Variants in MUC4 observed in about 807,000 individuals in gnomAD.
MUC4 encodes the protein mucin-4.
In MUC4, 202 loss-of-function variants were observed where a neutral mutation model predicts 257.9. The observed-to-expected ratio is 0.78, with a 90% CI of 0.70 to 0.88. MUC4 has a LOEUF of 0.88. Ranked by LOEUF, MUC4 falls within the 40% of genes least tolerant of loss-of-function variation. The pLI, the probability that MUC4 is intolerant of heterozygous loss-of-function variation, is 0.00. For synonymous variants in MUC4, 2,351 were observed against 2,757.1 expected (o/e 0.85, Z 4.62); for missense variants, 5,976 against 6,513.7 (o/e 0.92, Z 2.84).
In MUC4 at chr3:195,782,809, C is replaced by G. The variant is rs763671915; in HGVS notation, c.8771G>C (p.Gly2924Ala). The G allele has an allele frequency of 1.3e-6, 2 of 1,519,726 alleles. No homozygotes were observed. The highest frequency in any genetic ancestry group is 1.8e-6 in the Non-Finnish European group (2 of 1,129,524). The allele number at this position is 1,519,726 out of a possible 1,614,324, so 94.1% of individuals were successfully genotyped here. The change falls in exon 2 of 25, where the codon GGT (glycine) becomes GCT (alanine). Residue 2924 changes from glycine (G) to alanine (A), a missense_variant. By Grantham distance (60) the Gly-to-Ala change is moderately conservative (BLOSUM62 0). Around this residue, in one of 44 missense-constraint regions of MUC4, gnomAD observed 228 missense variants for 206.3 expected, o/e 1.11. Transcript: ENST00000463781. ...GGTGACAGGAAGAGGGGTGGCCTGA[C>G]CTGTGGATGCTGAGGAAGTGTCGGT... ...PVTDTSSAST[G>A]QATPLPVTSL... is the part of the protein sequence containing the mutation.
At chr3:195,792,386 A>G (rs1482298614) in intron 1 of MUC4, among the ~76,000 whole-genome samples, 1 of 152,270 alleles carries the variant, frequency 6.6e-6, no homozygotes, top group Non-Finnish European at 1.5e-5. Flanking sequence ...AAAAAGGCTC[A>G]TCATCATGGA....
At position 195,789,410 on chromosome 3, in the gene MUC4, G is replaced by C. The variant is rs758227993; in HGVS notation, c.2170C>G (p.Leu724Val). 6.2e-7 allele frequency: 1 copy of C among 1,613,958 alleles called. No homozygotes were observed. Among genetic ancestry groups the C allele is most frequent in the East Asian group, 2.2e-5 (1 of 44,878 alleles). Residue 724 changes from leucine (L) to valine (V), a missense_variant, in exon 2 of 25, where the codon CTG becomes GTG. Around this residue, in one of 44 missense-constraint regions of MUC4, gnomAD observed 1,583 missense variants for 1,257.4 expected, o/e 1.26. Transcript: ENST00000463781. ...QAAPSSHDAT[L>V]GPSGGTSLSK... ...AGTGACGTGCCTCCTGAGGGCCCCA[G>C]GGTGGCATCATGGCTGCTGGGTGCT... is the stretch of plus-strand genomic sequence containing the variant.
Position 195,775,071 on chromosome 3 carries a change from G to T in MUC4, c.12944-766C>A, listed in dbSNP as rs530903673. Among the ~76,000 whole-genome samples the T allele has an allele frequency of 3.3e-5, 5 of 152,106 alleles. No individual in the cohort carries two copies. The East Asian group carries it at 9.7e-4, about 29-fold the overall frequency. On this transcript the variant is annotated intron_variant, in intron 3 of 24. Coordinates refer to ENST00000463781, the MANE Select transcript of MUC4 (RefSeq NM_018406.7). ...TAGAGGCCCTCGGGCTCCAGTTTGA[G>T]AAACCTTGTCCCAAATATTTCTCGC...
intron 1 of MUC4, 90 bp downstream of exon 1, chr3:195,811,646 C>T: frequency 1.8e-6 from 2 of 1,104,140 alleles, no homozygotes; most frequent in Non-Finnish European, 2.7e-6. Flanking sequence ...CTCTCTCTCT[C>T]TCTGTCTCCC....
intron 1 of MUC4, among the ~76,000 whole-genome samples, chr3:195,804,616 G>A (rs1278990172): frequency 6.6e-6 from 1 of 152,258 alleles, no homozygotes; most frequent in Non-Finnish European, 1.5e-5. Context: ...TCCTGGAGGG[G>A]AATTACTTCC....
At chr3:195,768,973 A>G (rs2148851395) in intron 7 of MUC4, 49 bp downstream of exon 7, 2 of 1,586,750 alleles carry the variant, frequency 1.3e-6, no homozygotes, top group South Asian at 1.1e-5. Flanking sequence ...AGCCGACTCT[A>G]CACCCCTCCC....
intron 1 of MUC4, among the ~76,000 whole-genome samples, chr3:195,805,135 A>G (rs1560421960): frequency 6.7e-6 from 1 of 149,792 alleles, no homozygotes; most frequent in Non-Finnish European, 1.5e-5. Flanking sequence ...ATCTCAGCTC[A>G]CTGTAACCTC....
intron 1 of MUC4, among the ~76,000 whole-genome samples, chr3:195,802,707 G>A (rs930607490): frequency 6.6e-5 from 10 of 152,212 alleles, no homozygotes; most frequent in African/African-American, 2.2e-4. Context: ...GGTTGTGACT[G>A]AGGAAAGATA....
intron 3 of MUC4, among the ~76,000 whole-genome samples, chr3:195,776,634 CCA>C (rs1724832355): frequency 2.3e-5 from 1 of 42,562 alleles, no homozygotes; most frequent in Admixed American, 1.5e-4. Context: ...CCCATACCTT[CCA>C]CAGTCATACC....
intron 17 of MUC4, among the ~76,000 whole-genome samples, chr3:195,758,175 G>A (rs915906368): frequency 6.6e-6 from 1 of 152,106 alleles, no homozygotes; most frequent in African/African-American, 2.4e-5. Context: ...TGATGCCCTT[G>A]GACCCTTTGA....
rs748620841 is a variant in MUC4, at chr3:195,786,315, T to C, written c.5265A>G (p.Thr1755=). The part of the protein sequence containing the change: ...LLVTDASSAS[T]GQATPLPVTD... ...TGACAGGAAGAGGGGTGGCCTGACCTGTGGATGCTGAGGAAGCGTCAGTGA... is the reference window on the plus strand; with the variant it reads ...TGACAGGAAGAGGGGTGGCCTGACCCGTGGATGCTGAGGAAGCGTCAGTGA... Residue 1755 remains threonine (T), a synonymous_variant, in exon 2 of 25, where the codon ACA becomes ACG. Coordinates refer to ENST00000463781, the MANE Select transcript of MUC4 (RefSeq NM_018406.7). The C allele has an allele frequency of 2.0e-6, 3 of 1,502,382 alleles. No homozygotes were observed. The highest frequency in any genetic ancestry group is 2.7e-6 in the Non-Finnish European group (3 of 1,122,762). 93.1% of individuals were successfully genotyped at this position (1,502,382 alleles called of 1,614,324 possible).
intron 1 of MUC4, among the ~76,000 whole-genome samples, chr3:195,802,983 C>T (rs893392318): frequency 1.3e-5 from 2 of 152,052 alleles, no homozygotes; most frequent in Non-Finnish European, 2.9e-5. Flanking sequence ...TCCCTCTTCT[C>T]ACCGTCTGTA....
intron 24 of MUC4, 33 bp downstream of exon 24, chr3:195,748,869 T>A (rs1255156906): frequency 1.3e-6 from 2 of 1,526,822 alleles, no homozygotes; most frequent in Non-Finnish European, 8.8e-7. Context: ...TCCCCAGCAC[T>A]GTCCTCCACC....
At position 195,763,560 on chromosome 3, in the gene MUC4, AC is replaced by A; in HGVS notation, c.14125del (p.Val4709SerfsTer63). On this transcript the variant is annotated frameshift_variant, in exon 12 of 25. Coordinates refer to ENST00000463781, the MANE Select transcript of MUC4 (RefSeq NM_018406.7). LOFTEE classifies it high-confidence loss of function. ...TFNGLGDFLLVGAQDGNSSFL... is the reference protein window; with the variant it reads ...TFNGLGDFLLXGAQDGNSSFL... ...GGAGGAGTTCCCGTCTTGGGCCCCG[AC>A]CAGCAGGAAGTCCCCCAGCCCATTG... The A allele has an allele frequency of 6.3e-7, 1 of 1,591,958 alleles. No individual in the cohort carries two copies. Among genetic ancestry groups the A allele is most frequent in the Admixed American group, 1.7e-5 (1 of 58,244 alleles).
intron 16 of MUC4, among the ~76,000 whole-genome samples, chr3:195,760,600 GAGTGAAGGGGGCTGGGAAGGCA>G (rs1718652182): frequency 8.5e-6 from 1 of 118,336 alleles, no homozygotes; most frequent in Non-Finnish European, 2.1e-5. Flanking sequence ...CGCTAGTATG[GAGTGAAGGGGGCTGGGAAGGCA>G]TCCAGCGCTA....
chr3:195,782,462 G>T lies in MUC4; in HGVS notation c.9118C>A (p.Pro3040Thr), dbSNP rs748621885. The stretch of plus-strand genomic sequence containing the variant: ...GAGGAAGTGTCGGTGACAGGAAGCG[G>T]GGTGGCGTGACCGGTGGATGCTGAG... The part of the protein sequence containing the change: ...PSSASTGHAT[P>T]LPVTDTSSAS... The change falls in exon 2 of 25, where the codon CCG becomes ACG. Residue 3040 changes from proline to threonine, a missense_variant. Physicochemically the swap from Pro to Thr is conservative, Grantham distance 38. This residue lies in a region of MUC4 where 52 missense variants were observed against 102.2 expected (regional missense o/e 0.51). Transcript: ENST00000463781. 2.7e-6 allele frequency: 4 copies of T among 1,487,804 alleles called. No homozygotes were observed. In the African/African-American group the frequency reaches 4.9e-5, roughly 18 times the overall value. 92.2% of individuals were successfully genotyped at this position (1,487,804 alleles called of 1,614,324 possible).
intron 7 of MUC4, among the ~76,000 whole-genome samples, chr3:195,767,568 CA>C: frequency 8.6e-6 from 1 of 116,896 alleles, no homozygotes; most frequent in African/African-American, 4.6e-5. Context: ...CCATTGCCAC[CA>C]CCATCACCAC....
chr3:195,760,639 A>AGTGGAGGGG lies in MUC4; in HGVS notation c.14848+244_14848+245insCCCCTCCAC, dbSNP rs369348840. On this transcript the variant is annotated intron_variant, in intron 16 of 24. Coordinates refer to ENST00000463781, the MANE Select transcript of MUC4 (RefSeq NM_018406.7). Reference sequence around the variant, plus strand: ...GGGAAGGCATCCAGCGCTAGGATGGACGGAGGGGGCTGGGAAGGCGTCCAG... The same window carrying AGTGGAGGGG: ...GGGAAGGCATCCAGCGCTAGGATGGAGTGGAGGGGCGGAGGGGGCTGGGAAGGCGTCCAG... Among the ~76,000 whole-genome samples, 15 of 65,266 alleles carry AGTGGAGGGG rather than the reference A, an allele frequency of 2.3e-4. 2 individuals carry two copies. The highest frequency in any genetic ancestry group is 8.2e-4 in the African/African-American group (15 of 18,348). The allele number at this position is 65,266 out of a possible 152,430, so 42.8% of individuals were successfully genotyped here.
rs114010824 is a variant in MUC4 at position 195,807,796 on chromosome 3, G to A, written c.82+3940C>T. ...AGAGTAGCAAAACCACCCGTTGAGC[G>A]TACAAAAGGCCAACCACTTCTTGTC... On this transcript the variant is annotated intron_variant, in intron 1 of 24. Transcript: ENST00000463781. Among the ~76,000 whole-genome samples the A allele has an allele frequency of 6.2e-3, 947 of 152,314 alleles. 11 individuals are homozygous for A. The highest frequency in any genetic ancestry group is 0.022 in the African/African-American group (904 of 41,562).
Sources: gnomAD v4.1 joint callset for allele counts (sites outside exome capture counted in the v4.1 genomes callset) on GRCh38, gnomAD v4.1.1 for gene constraint, gnomAD v4.1.1 regional missense constraint, MANE v1.5 for transcripts, NCBI Gene and HGNC (gene_info 2026-07-23, HGNC 2026-07-21) for gene names.